Variants in ZFR2 observed in about 807,000 individuals in gnomAD.
ZFR2 encodes the protein zinc finger RNA binding protein 2.
ZFR2 carries 104 observed loss-of-function variants against 105.7 expected under a neutral mutation model. The ratio of observed to expected loss-of-function variants is 0.98; its 90% CI spans 0.84 to 1.16. The LOEUF (loss-of-function observed/expected upper bound fraction) is 1.16, where lower values mean the gene tolerates loss of function less well. ZFR2 is among the 50% of genes most tolerant of loss of function. ZFR2 has a pLI of 0.00. For synonymous variants in ZFR2, 634 were observed against 597.7 expected, an observed-to-expected ratio of 1.06 and a Z score of -0.89; for missense variants, 1,425 against 1,355.5, an observed-to-expected ratio of 1.05 and a Z score of -0.80.
At chr19:3,831,627 G>T in intron 4 of ZFR2, 33 bp downstream of exon 4, 1 of 1,521,732 alleles carries the variant, frequency 6.6e-7, no homozygotes, top group Non-Finnish European at 8.9e-7. Flanking sequence ...GGACCGACGG[G>T]CAGACCACCT....
rs1456988760 is a variant in ZFR2 at position 3,810,849 on chromosome 19, C to T, written c.2338-4G>A. 32 of 1,550,020 alleles carry T rather than the reference C, an allele frequency of 2.1e-5. No individual in the cohort carries two copies. The highest frequency in any genetic ancestry group is 1.6e-4 in the African/African-American group (12 of 73,164). On this transcript the variant is annotated splice_polypyrimidine_tract_variant and splice_region_variant and intron_variant, in intron 15 of 18. Coordinates refer to ENST00000262961, the MANE Select transcript of ZFR2 (RefSeq NM_015174.2). ...GCTGCAGGCCGCTGGCTCGAGCCTTCGGGGGAGAAGCACACGGTTAGCTTT... is the reference window on the plus strand; with the variant it reads ...GCTGCAGGCCGCTGGCTCGAGCCTTTGGGGGAGAAGCACACGGTTAGCTTT...
At chr19:3,816,614 G>A (rs927242149) in intron 13 of ZFR2, 60 bp downstream of exon 13, 4 of 1,555,000 alleles carry the variant, frequency 2.6e-6, no homozygotes, top group Non-Finnish European at 3.5e-6. Context: ...GCAAGGGGCT[G>A]CGGGGAGAGG....
At chr19:3,856,457 G>A (rs1419577546) in intron 1 of ZFR2, among the ~76,000 whole-genome samples, 1 of 152,068 alleles carries the variant, frequency 6.6e-6, no homozygotes, top group East Asian at 1.9e-4. Context: ...GCACGGTTCG[G>A]TGGCATCTAG....
intron 13 of ZFR2, among the ~76,000 whole-genome samples, chr19:3,815,563 T>G (rs1246408502): frequency 6.6e-6 from 1 of 152,218 alleles, no homozygotes; most frequent in Non-Finnish European, 1.5e-5. Context: ...ATGTTTTCTG[T>G]GCAGCTTTCA....
intron 2 of ZFR2, 85 bp from the exon 3 acceptor site, chr19:3,833,863 A>G: frequency 9.8e-7 from 1 of 1,023,708 alleles, no homozygotes; most frequent in Middle Eastern, 2.8e-4. Flanking sequence ...GCCACACTGC[A>G]CTCTGCACTT....
In ZFR2 at chr19:3,838,943, G is replaced by A. The variant is rs2038106609; in HGVS notation, c.54-3960C>T. Among the ~76,000 whole-genome samples, 1 of 152,172 alleles carries A rather than the reference G, an allele frequency of 6.6e-6. No individual in the cohort carries two copies. The highest frequency in any genetic ancestry group is 2.4e-5 in the African/African-American group (1 of 41,440). ...CTCCATGCACATCTAGGGAGGTCAG[G>A]CACATGTGCTGAACGGCGCTTGTGT... On this transcript the variant is annotated intron_variant, in intron 1 of 18. Coordinates refer to ENST00000262961, the MANE Select transcript of ZFR2 (RefSeq NM_015174.2). The surrounding 1 kb of genome is among the most constrained non-coding windows in gnomAD (Gnocchi z 4.9).
At chr19:3,863,490 C>T (rs542653330) in intron 1 of ZFR2, among the ~76,000 whole-genome samples, 30 of 152,182 alleles carry the variant, frequency 2.0e-4, no homozygotes, top group African/African-American at 6.7e-4. Flanking sequence ...TGCAGTGGTG[C>T]GATCATAGCT....
rs143483722 is a variant in ZFR2, at chr19:3,825,335, G to T, written c.1108C>A (p.Pro370Thr). 619 of 1,589,462 alleles carry T rather than the reference G, an allele frequency of 3.9e-4. No homozygotes were observed. In the African/African-American group the frequency reaches 7.7e-3, roughly 20 times the overall value. The change falls in exon 7 of 19, where the codon CCC becomes ACC. Residue 370 changes from proline to threonine, a missense_variant. Transcript: ENST00000262961. ...LEPALATESP[P>T]GAEAKPTSPT... ...GACGTGGGCTTGGCCTCTGCCCCGGGGGGGCTCTCTGTGGCCAGTGCAGGC... is the reference window on the plus strand; with the variant it reads ...GACGTGGGCTTGGCCTCTGCCCCGGTGGGGCTCTCTGTGGCCAGTGCAGGC...
Position 3,806,041 on chromosome 19 carries a change from G to A in ZFR2, c.2728C>T (p.Arg910Cys), listed in dbSNP as rs766230625. 7.3e-5 allele frequency: 113 copies of A among 1,539,660 alleles called. 2 individuals carry two copies. The highest frequency in any genetic ancestry group is 5.2e-4 in the South Asian group (43 of 83,246). ...GGTCCCCGTTGCCTCTTCCGGAAGC[G>A]GGCCCCCAGCCGGTGTCTGGGCGGC... ...LLPPRHRLGA[R>C]FRKRQRGPGE... Residue 910 changes from arginine (R) to cysteine (C), a missense_variant, in exon 19 of 19, where the codon CGC becomes TGC. By Grantham distance (180) the Arg-to-Cys change is radical. Coordinates refer to ENST00000262961, the MANE Select transcript of ZFR2 (RefSeq NM_015174.2).
rs756988044 is a variant in ZFR2, at chr19:3,831,725, G to A, written c.533C>T (p.Ser178Leu). Residue 178 changes from serine (S) to leucine (L), a missense_variant, in exon 4 of 19, where the codon TCG becomes TTG. By Grantham distance (145) the Ser-to-Leu change is moderately radical. Coordinates refer to ENST00000262961, the MANE Select transcript of ZFR2 (RefSeq NM_015174.2). ...YPTATGVQPE[S>L]SASIVTSYPP... ...GTAGGAGGTCACGATGGAAGCTGAC[G>A]ACTCGGGCTGGACGCCTGTCGCCGT... is the stretch of plus-strand genomic sequence containing the variant. 1.4e-5 allele frequency: 23 copies of A among 1,600,418 alleles called. No homozygotes were observed. The Middle Eastern group carries it at 5.2e-4, about 36-fold the overall frequency.
rs1298114729 is a variant in ZFR2, at chr19:3,831,554, G to A, written c.601C>T (p.Pro201Ser). 3 of 1,563,006 alleles carry A rather than the reference G, an allele frequency of 1.9e-6. No individual in the cohort carries two copies. Among genetic ancestry groups the A allele is most frequent in the Non-Finnish European group, 2.6e-6 (3 of 1,153,952 alleles). The change falls in exon 5 of 19, where the codon CCA (proline) becomes TCA (serine). Residue 201 changes from proline to serine, a missense_variant and splice_region_variant. Pro to Ser is a moderately conservative substitution (Grantham distance 74). Coordinates refer to ENST00000262961, the MANE Select transcript of ZFR2 (RefSeq NM_015174.2). The part of the protein sequence containing the change: ...YNPTCTAYTA[P>S]SYPNYDASVY... ...GACGCGTCATAGTTCGGGTAGCTTGGTGCTGAGCAGCAGAGAAAACAATGA... is the reference window on the plus strand; with the variant it reads ...GACGCGTCATAGTTCGGGTAGCTTGATGCTGAGCAGCAGAGAAAACAATGA...
rs11666139 is a variant in ZFR2 at position 3,838,671 on chromosome 19, G to A, written c.54-3688C>T. On this transcript the variant is annotated intron_variant, in intron 1 of 18. Transcript: ENST00000262961. This position sits in a 1 kb window ranked among gnomAD's most constrained non-coding sequence, Gnocchi z 4.9. ...CCATCCCCCCGTGTCTATGGCTCCCGTCCCCGCTGCCTGCAAGTGGCTGCT... is the reference window on the plus strand; with the variant it reads ...CCATCCCCCCGTGTCTATGGCTCCCATCCCCGCTGCCTGCAAGTGGCTGCT... Among the ~76,000 whole-genome samples, 845 of 152,174 alleles carry A rather than the reference G, an allele frequency of 5.6e-3. 3 individuals are homozygous for A. The highest frequency in any genetic ancestry group is 9.2e-3 in the Non-Finnish European group (625 of 67,988).
At chr19:3,811,429 G>A (rs2037763492) in intron 14 of ZFR2, 63 bp from the exon 15 acceptor site, 4 of 1,488,106 alleles carry the variant, frequency 2.7e-6, no homozygotes, top group Non-Finnish European at 3.6e-6. Flanking sequence ...GCTGCCGACG[G>A]GGTGAGGGGC....
At chr19:3,848,930 C>T (rs2038208639) in intron 1 of ZFR2, among the ~76,000 whole-genome samples, 1 of 147,036 alleles carries the variant, frequency 6.8e-6, no homozygotes, top group Non-Finnish European at 1.5e-5. Flanking sequence ...GGAGGCGGAG[C>T]TTGCAGTGAG....
intron 8 of ZFR2, 142 bp from the exon 9 acceptor site, chr19:3,822,342 G>C (rs1447835500): frequency 1.5e-5 from 20 of 1,370,326 alleles, no homozygotes; most frequent in Non-Finnish European, 1.9e-5. Context: ...GCGTCTTGCT[G>C]TGTCACCCAA....
At chr19:3,819,852 C>CAAAAGAAAAAAAAAAAAAAAAAAA (rs373530026) in intron 11 of ZFR2, among the ~76,000 whole-genome samples, 1 of 138,658 alleles carries the variant, frequency 7.2e-6, no homozygotes. Flanking sequence ...GACTCTGTCT[C>CAAAAGAAAAAAAAAAAAAAAAAAA]AAAAAAAAAT....
intron 1 of ZFR2, among the ~76,000 whole-genome samples, chr19:3,844,380 T>A (rs971610635): frequency 8.5e-5 from 13 of 152,124 alleles, no homozygotes; most frequent in African/African-American, 3.1e-4. Flanking sequence ...TTACTTTTTT[T>A]TTTTTGAGAC....
At chr19:3,829,407 G>A (rs959606853) in intron 5 of ZFR2, among the ~76,000 whole-genome samples, 3 of 152,256 alleles carry the variant, frequency 2.0e-5, no homozygotes, top group African/African-American at 2.4e-5. Flanking sequence ...AGATGCTACC[G>A]CTAAATCATT....
intron 6 of ZFR2, among the ~76,000 whole-genome samples, chr19:3,827,216 T>C (rs1454108605): frequency 1.3e-5 from 2 of 152,128 alleles, no homozygotes; most frequent in Admixed American, 1.3e-4. Flanking sequence ...CATCCCAGCC[T>C]GGGGAACAGG....
Sources: gnomAD v4.1 joint callset for allele counts (sites outside exome capture counted in the v4.1 genomes callset) on GRCh38, gnomAD v4.1.1 for gene constraint, Gnocchi (gnomAD v3.1) non-coding constraint, MANE v1.5 for transcripts, NCBI Gene and HGNC (gene_info 2026-07-23, HGNC 2026-07-21) for gene names.